Variants in LRGUK observed in about 807,000 individuals in gnomAD.
The protein encoded by LRGUK is leucine rich repeats and guanylate kinase domain containing, also known as leucine-rich repeat and guanylate kinase domain-containing protein.
In LRGUK, 65 loss-of-function variants were observed where a neutral mutation model predicts 76.0. The ratio of observed to expected loss-of-function variants is 0.85; its 90% CI spans 0.70 to 1.05. The LOEUF (loss-of-function observed/expected upper bound fraction) is 1.05. Ranked by LOEUF, LRGUK falls within the 50% of genes least tolerant of loss-of-function variation. LRGUK has a pLI of 0.00. For synonymous variants in LRGUK, 268 were observed against 265.6 expected (o/e 1.01, Z -0.09); for missense variants, 758 against 732.8 (o/e 1.03, Z -0.40).
the LRGUK span, among the ~76,000 whole-genome samples, chr7:134,276,161 C>T: frequency 7.2e-5 from 11 of 152,192 alleles, no homozygotes; most frequent in Non-Finnish European, 1.2e-4. Context: ...CAGTAGCTTA[C>T]GGGCATTAAA....
intron 16 of LRGUK, among the ~76,000 whole-genome samples, chr7:134,228,397 G>A (rs181986602): frequency 6.6e-6 from 1 of 152,140 alleles, no homozygotes; most frequent in Admixed American, 6.5e-5. Context: ...GTCATAGATA[G>A]AGAAAAAAAT....
In LRGUK at chr7:134,163,332, A is replaced by G. The variant is rs1798831824; in HGVS notation, c.796-65A>G. The G allele has an allele frequency of 4.8e-6, 7 of 1,450,828 alleles. No individual in the cohort carries two copies. The African/African-American group carries it at 5.6e-5, about 12-fold the overall frequency. The allele number at this position is 1,450,828 out of a possible 1,614,324, so 89.9% of individuals were successfully genotyped here. ...ATTTGGGTCAGTATCCCAAATGAAA[A>G]CTTGCCATTACAACTTTTCCTTGAG... On this transcript the variant is annotated intron_variant, in intron 6 of 15. Coordinates refer to ENST00000645682, the Ensembl canonical transcript of LRGUK.
intron 3 of LRGUK, among the ~76,000 whole-genome samples, chr7:134,142,039 A>G (rs943903425): frequency 1.3e-5 from 2 of 151,740 alleles, no homozygotes; most frequent in African/African-American, 4.8e-5. Flanking sequence ...GGCCCCAACT[A>G]CTCCAGGCTG....
intron 7 of LRGUK, among the ~76,000 whole-genome samples, chr7:134,164,943 C>T (rs1466192528): frequency 6.6e-6 from 1 of 152,152 alleles, no homozygotes; most frequent in East Asian, 1.9e-4. Flanking sequence ...CACTGTACCA[C>T]GTGTCTTAGG....
rs553608640 is a variant in LRGUK, at chr7:134,245,356, CCT to C, written c.1984-2199_1984-2198del. Among the ~76,000 whole-genome samples the C allele has an allele frequency of 2.6e-3, 398 of 152,284 alleles. 1 individual carries two copies. Among genetic ancestry groups the C allele is most frequent in the South Asian group, 9.3e-3 (45 of 4,820 alleles). ...TATTTTTCAGCTGTCTTGGCATTCC[CCT>C]GTTTCCAGGTCTTTCAGTCACCATG... On this transcript the variant is annotated intron_variant, in intron 16 of 19. Coordinates refer to the LRGUK transcript ENST00000285928.
rs1023212939 is a variant in LRGUK at position 134,245,735 on chromosome 7, A to G, written c.1984-1821A>G. ...GTATACAATGAAATCACAGTAGTAA[A>G]TGGTGTACTACTATAAAGTGATTCC... On this transcript the variant is annotated intron_variant, in intron 16 of 19. Transcript: ENST00000285928. Among the ~76,000 whole-genome samples the G allele has an allele frequency of 3.3e-5, 5 of 152,198 alleles. 1 individual carries two copies. The highest frequency in any genetic ancestry group is 7.4e-5 in the Non-Finnish European group (5 of 68,024).
chr7:134,187,867 C>T (rs773569772), intron 11 of LRGUK, among the ~76,000 whole-genome samples: 20 of 152,196 alleles, frequency 1.3e-4, no homozygotes, highest in Non-Finnish European at 2.4e-4. Flanking sequence ...ATTTTATAGC[C>T]ATCTCTATTT....
intron 5 of LRGUK, among the ~76,000 whole-genome samples, chr7:134,156,419 T>C (rs987462363): frequency 3.3e-5 from 5 of 152,146 alleles, no homozygotes; most frequent in Non-Finnish European, 7.4e-5. Context: ...AGTAAGAAAA[T>C]AAGTGTTATA....
the LRGUK span, among the ~76,000 whole-genome samples, chr7:134,272,715 G>T: frequency 6.6e-6 from 1 of 152,082 alleles, no homozygotes; most frequent in Admixed American, 6.6e-5. Flanking sequence ...AAATTACTTT[G>T]TCTGAATGAC....
chr7:134,249,118 G>T, intron 18 of LRGUK, 42 bp downstream of exon 18: 1 of 1,514,926 alleles, frequency 6.6e-7, no homozygotes, highest in Non-Finnish European at 8.9e-7. Context: ...GCTATTTTCT[G>T]CTGGTTAGTT....
intron 5 of LRGUK, among the ~76,000 whole-genome samples, chr7:134,153,422 A>ATT (rs1798316766): frequency 6.6e-6 from 1 of 152,164 alleles, no homozygotes; most frequent in South Asian, 2.1e-4. Context: ...AAATATACTT[A>ATT]TTCTTAAGAA....
In LRGUK at chr7:134,158,015, A is replaced by G; in HGVS notation, c.671-20A>G. On this transcript the variant is annotated intron_variant, in intron 5 of 15. Transcript: ENST00000645682. The stretch of plus-strand genomic sequence containing the variant: ...AATGCTTTTAATAACATTTTCCTTA[A>G]ACGTAGTCATGGTGTATAGGCAATG... The G allele has an allele frequency of 6.3e-7, 1 of 1,590,844 alleles. No homozygotes were observed. The highest frequency in any genetic ancestry group is 8.6e-7 in the Non-Finnish European group (1 of 1,162,578).
chr7:134,235,139 G>A (rs954845422), intron 16 of LRGUK, among the ~76,000 whole-genome samples: 3 of 152,248 alleles, frequency 2.0e-5, no homozygotes, highest in Admixed American at 6.5e-5. Flanking sequence ...GCAAACCTAG[G>A]TCAGATCATG....
intron 16 of LRGUK, among the ~76,000 whole-genome samples, chr7:134,228,823 T>C (rs917252573): frequency 6.6e-6 from 1 of 152,086 alleles, no homozygotes; most frequent in Non-Finnish European, 1.5e-5. Context: ...CATATTTTAA[T>C]CTCTAGGATG....
At chr7:134,220,609 T>C (rs2117151873) in intron 15 of LRGUK, among the ~76,000 whole-genome samples, 1 of 152,122 alleles carries the variant, frequency 6.6e-6, no homozygotes, top group South Asian at 2.1e-4. Context: ...TCGTTGTTGT[T>C]TTGAGGCAGG....
At chr7:134,181,102 A>G (rs982281576) in intron 10 of LRGUK, among the ~76,000 whole-genome samples, 6 of 152,156 alleles carry the variant, frequency 3.9e-5, no homozygotes, top group Admixed American at 2.6e-4. Context: ...GGCTAACTAC[A>G]TAGTTGTTGC....
At chr7:134,167,304 C>T (rs1461802609) in intron 7 of LRGUK, among the ~76,000 whole-genome samples, 2 of 152,218 alleles carry the variant, frequency 1.3e-5, no homozygotes, top group Non-Finnish European at 2.9e-5. Flanking sequence ...TTTGATGCTG[C>T]TTCATCACTT....
chr7:134,265,950 C>A (rs146489251), downstream of LRGUK, among the ~76,000 whole-genome samples: 1,772 of 152,220 alleles, frequency 0.012, 14 homozygotes, highest in Non-Finnish European at 0.017. Flanking sequence ...TGACAAGGTG[C>A]CTCTCCCCCT....
At chr7:134,133,326 A>C (rs186101043) in intron 1 of LRGUK, among the ~76,000 whole-genome samples, 110 of 152,250 alleles carry the variant, frequency 7.2e-4, no homozygotes, top group African/African-American at 2.6e-3. Flanking sequence ...CTTTTGCCAG[A>C]GTAACTCACA....
Sources: allele counts gnomAD v4.1 joint callset (sites outside exome capture counted in the v4.1 genomes callset), GRCh38; gene constraint gnomAD v4.1.1; transcripts MANE v1.5; gene names NCBI Gene and HGNC (gene_info 2026-07-23, HGNC 2026-07-21).